CSMD1: variants seen among roughly 807,000 people sequenced by gnomAD.
The protein encoded by CSMD1 is CUB and sushi domain-containing protein 1.
In CSMD1, 213 loss-of-function variants were observed where a neutral mutation model predicts 417.5. That is an observed-to-expected ratio of 0.51 (90% CI 0.46 to 0.57). The LOEUF (loss-of-function observed/expected upper bound fraction) is 0.57, where lower values mean the gene tolerates loss of function less well. Among genes scored for constraint, CSMD1 ranks in the 20% least tolerant of loss-of-function variants. The pLI is 0.00. For missense variants in CSMD1, 6,923 were observed against 4,529.7 expected (o/e 1.53, Z -15.17); for synonymous variants, 2,862 against 1,736.8 (o/e 1.65, Z -16.11).
At chr8:3,396,946 G>T (rs1811739234) in intron 16 of CSMD1, among the ~76,000 whole-genome samples, 1 of 152,018 alleles carries the variant, frequency 6.6e-6, no homozygotes, top group Admixed American at 6.6e-5. Flanking sequence ...ACAACCATGG[G>T]TATGTTGCCA....
intron 37 of CSMD1, among the ~76,000 whole-genome samples, chr8:3,180,553 T>G (rs921871632): frequency 2.0e-5 from 3 of 152,186 alleles, no homozygotes; most frequent in African/African-American, 7.2e-5. Flanking sequence ...CAACCTGAAA[T>G]TATAGCAGTT....
At chr8:4,816,969 A>G (rs1268126891) in intron 1 of CSMD1, among the ~76,000 whole-genome samples, 1 of 152,194 alleles carries the variant, frequency 6.6e-6, no homozygotes, top group Non-Finnish European at 1.5e-5. Context: ...ACCATTTAAC[A>G]GTAAAGAAAA....
At chr8:4,545,208 G>A (rs1359654499) in intron 2 of CSMD1, among the ~76,000 whole-genome samples, 2 of 152,134 alleles carry the variant, frequency 1.3e-5, no homozygotes, top group Non-Finnish European at 2.9e-5. Context: ...AATGGAATTT[G>A]CATTTTCTTA....
At chr8:3,704,624 TC>T (rs1435998305) in intron 7 of CSMD1, 1 of 152,238 alleles carries the variant, frequency 6.6e-6, no homozygotes. Context: ...TGAAAAGCTT[TC>T]TTCTCTCGCT....
intron 10 of CSMD1, among the ~76,000 whole-genome samples, chr8:3,506,566 A>G (rs944028730): frequency 1.3e-5 from 2 of 152,184 alleles, no homozygotes; most frequent in Non-Finnish European, 1.5e-5. Context: ...CTCATCTTTC[A>G]TTCATCTTCA....
rs190053383 is a variant in CSMD1, at chr8:4,131,911, C to A, written c.416-99812G>T. ...CCATGTAGCTGGGACTACAGGTGCC[C>A]GCAACCACACCTGGCTACTTTTTTG... On this transcript the variant is annotated intron_variant, in intron 3 of 69. Transcript: ENST00000635120. Among the ~76,000 whole-genome samples, 854 of 151,930 alleles carry A rather than the reference C, an allele frequency of 5.6e-3. 3 individuals carry two copies. Among genetic ancestry groups the A allele is most frequent in the Non-Finnish European group, 8.8e-3 (597 of 67,970 alleles).
At chr8:4,060,327 A>T (rs1409135205) in intron 3 of CSMD1, among the ~76,000 whole-genome samples, 6 of 152,228 alleles carry the variant, frequency 3.9e-5, no homozygotes, top group Admixed American at 6.5e-5. Flanking sequence ...ACAAACCCAC[A>T]GCCGATATCA....
At chr8:4,629,370 A>G (rs1382259) in intron 2 of CSMD1, among the ~76,000 whole-genome samples, 26,644 of 152,126 alleles carry the variant, frequency 0.18, 2,370 homozygotes, top group South Asian at 0.23. Flanking sequence ...GAGCTATCAT[A>G]CTGCATTGTT....
intron 3 of CSMD1, among the ~76,000 whole-genome samples, chr8:4,116,799 C>A (rs922243915): frequency 6.7e-6 from 1 of 150,010 alleles, no homozygotes; most frequent in African/African-American, 2.5e-5. Flanking sequence ...TGCTGTCAAC[C>A]TAAAACTACT....
chr8:4,057,655 TTATA>T (rs1798765904), intron 3 of CSMD1, among the ~76,000 whole-genome samples: 1 of 31,816 alleles, frequency 3.1e-5, no homozygotes, highest in Non-Finnish European at 1.2e-4. Context: ...TCTAGGGTTT[TTATA>T]GTTTTAGGTG....
chr8:4,467,585 T>A (rs1325739435), intron 2 of CSMD1, among the ~76,000 whole-genome samples: 1 of 152,214 alleles, frequency 6.6e-6, no homozygotes, highest in Non-Finnish European at 1.5e-5. Context: ...AAATATTTTC[T>A]CCCTTTTCAA....
chr8:3,981,548 A>C (rs141169896), intron 5 of CSMD1, among the ~76,000 whole-genome samples: 1 of 150,068 alleles, frequency 6.7e-6, no homozygotes, highest in Admixed American at 6.6e-5. Context: ...GTGTTTACCT[A>C]AGTCTTTCCA....
intron 10 of CSMD1, among the ~76,000 whole-genome samples, chr8:3,525,147 T>G (rs1797702392): frequency 6.6e-6 from 1 of 152,180 alleles, no homozygotes; most frequent in Non-Finnish European, 1.5e-5. Context: ...CAGTGAGTCT[T>G]GAGTCTCAGT....
intron 3 of CSMD1, among the ~76,000 whole-genome samples, chr8:4,124,607 A>T (rs1285071471): frequency 2.6e-5 from 4 of 152,170 alleles, no homozygotes; most frequent in Non-Finnish European, 5.9e-5. Context: ...GCCTGGCACC[A>T]GCACGCACAG....
At chr8:4,681,792 C>G (rs1336809821) in intron 1 of CSMD1, among the ~76,000 whole-genome samples, 1 of 152,092 alleles carries the variant, frequency 6.6e-6, no homozygotes, top group African/African-American at 2.4e-5. Flanking sequence ...CCCATGTTAT[C>G]TAAATAATTT....
rs527466048 is a variant in CSMD1, at chr8:3,322,192, C to T, written c.3632-13689G>A. 2.6e-5 allele frequency among the ~76,000 whole-genome samples: 4 copies of T among 152,308 alleles called. No individual in the cohort carries two copies. In the South Asian group the frequency reaches 8.3e-4, roughly 32 times the overall value. ...ACTGACAAATATATTCAATACATTT[C>T]ATGGCCAGGAACATGAATAACAGCA... On this transcript the variant is annotated intron_variant, in intron 23 of 69. Coordinates refer to ENST00000635120, the MANE Select transcript of CSMD1 (RefSeq NM_033225.6).
At chr8:3,307,230 T>C (rs1804941798) in intron 25 of CSMD1, among the ~76,000 whole-genome samples, 1 of 152,056 alleles carries the variant, frequency 6.6e-6, no homozygotes, top group Admixed American at 6.5e-5. Context: ...TGTTCATCCC[T>C]TGCTGCTACA....
chr8:3,676,706 T>G (rs1033629791), intron 7 of CSMD1, among the ~76,000 whole-genome samples: 1 of 152,094 alleles, frequency 6.6e-6, no homozygotes, highest in African/African-American at 2.4e-5. Flanking sequence ...TCCATTTCTA[T>G]CAAACTCAGT....
chr8:3,154,930 A>G (rs1486679071), intron 39 of CSMD1, among the ~76,000 whole-genome samples: 2 of 152,166 alleles, frequency 1.3e-5, no homozygotes, highest in African/African-American at 4.8e-5. Flanking sequence ...AACAGCTACA[A>G]AAAACCTTTT....
Sources: allele counts gnomAD v4.1 joint callset (sites outside exome capture counted in the v4.1 genomes callset), GRCh38; gene constraint gnomAD v4.1.1; transcripts MANE v1.5; gene names NCBI Gene and HGNC (gene_info 2026-07-23, HGNC 2026-07-21).